The following TMOD2 variants were observed in gnomAD, a reference collection of about 807,000 sequenced individuals.
TMOD2 encodes tropomodulin 2, also known as tropomodulin-2.
TMOD2 carries 22 observed loss-of-function variants against 39.9 expected under a neutral mutation model. That is an observed-to-expected ratio of 0.55 (90% CI 0.39 to 0.79). TMOD2 has a LOEUF of 0.79. TMOD2 is among the 30% of genes least tolerant of loss of function. The pLI, the probability that TMOD2 is intolerant of heterozygous loss-of-function variation, is 0.00. For synonymous variants in TMOD2, 123 were observed against 146.1 expected (o/e 0.84, Z 1.14); for missense variants, 386 against 413.3 (o/e 0.93, Z 0.57).
intron 7 of TMOD2, among the ~76,000 whole-genome samples, chr15:51,791,421 C>T (rs1347162327): frequency 6.6e-6 from 1 of 152,170 alleles, no homozygotes; most frequent in Non-Finnish European, 1.5e-5. Context: ...ATGAAAATGG[C>T]CACACTGCCC....
intron 8 of TMOD2, 74 bp from the exon 9 acceptor site, chr15:51,806,303 T>C: frequency 6.4e-7 from 1 of 1,564,674 alleles, no homozygotes; most frequent in Non-Finnish European, 8.7e-7. Flanking sequence ...AGTAGCCTTG[T>C]CTTTTTCCTG....
rs138836321 is a variant in TMOD2, at chr15:51,756,894, A to G, written c.-70+5182A>G. 8.1e-3 allele frequency among the ~76,000 whole-genome samples: 1,231 copies of G among 152,342 alleles called. 20 individuals carry two copies. Among genetic ancestry groups the G allele is most frequent in the African/African-American group, 0.028 (1,156 of 41,580 alleles). The stretch of plus-strand genomic sequence containing the variant: ...AACAAACTTAATTGGCCCATCTTCA[A>G]ATAGCTACATTACAAAACAGGCGGT... On this transcript the variant is annotated intron_variant, in intron 1 of 9. Transcript: ENST00000249700.
intron 1 of TMOD2, among the ~76,000 whole-genome samples, chr15:51,760,667 A>G (rs1177479669): frequency 6.6e-6 from 1 of 152,010 alleles, no homozygotes; most frequent in Non-Finnish European, 1.5e-5. Flanking sequence ...TTAGCTGGGT[A>G]TGGTGGTGCA....
chr15:51,762,300 T>TA (rs375164029), intron 1 of TMOD2, among the ~76,000 whole-genome samples: 49 of 146,062 alleles, frequency 3.4e-4, no homozygotes, highest in South Asian at 1.5e-3. Context: ...CTTCAAAAAA[T>TA]AAAAAAAAAA....
Position 51,813,843 on chromosome 15 carries a change from T to C in TMOD2, c.*5389T>C, listed in dbSNP as rs770280028. The C allele has an allele frequency of 6.6e-6, 1 of 152,218 alleles. No homozygotes were observed. The highest frequency in any genetic ancestry group is 1.5e-5 in the Non-Finnish European group (1 of 68,042). 9.4% of individuals were successfully genotyped at this position (152,218 alleles called of 1,614,324 possible). On this transcript the variant is annotated 3_prime_UTR_variant, in exon 10 of 10. Transcript: ENST00000249700. ...TATAAACTGGAAAGCGCCGTACAAA[T>C]GTGAGAGATCAGTTTTATTATCAAA...
At chr15:51,775,098 C>T (rs961126754) in intron 4 of TMOD2, among the ~76,000 whole-genome samples, 8 of 152,170 alleles carry the variant, frequency 5.3e-5, no homozygotes, top group Non-Finnish European at 8.8e-5. Context: ...AAGGCAGCCC[C>T]ATGGGCAGAT....
intron 6 of TMOD2, among the ~76,000 whole-genome samples, chr15:51,782,437 T>TAA (rs1024764024): frequency 1.3e-5 from 2 of 151,910 alleles, no homozygotes; most frequent in Non-Finnish European, 2.9e-5. Flanking sequence ...GAGTGAAAAA[T>TAA]AAAAAGAGGG....
chr15:51,766,220 A>C (rs1595863921), intron 1 of TMOD2, among the ~76,000 whole-genome samples, 153 bp from the exon 2 acceptor site: 1 of 152,384 alleles, frequency 6.6e-6, no homozygotes, highest in African/African-American at 2.4e-5. Context: ...GTAAGCTGTC[A>C]GGTTGCTCTG....
chr15:51,756,132 C>G (rs1258154220), intron 1 of TMOD2, among the ~76,000 whole-genome samples: 2 of 152,160 alleles, frequency 1.3e-5, no homozygotes, highest in Non-Finnish European at 2.9e-5. Context: ...TAGGACCCGC[C>G]ATGAGAATTA....
intron 7 of TMOD2, among the ~76,000 whole-genome samples, chr15:51,790,848 C>T (rs868721012): frequency 2.6e-5 from 4 of 152,136 alleles, no homozygotes; most frequent in Non-Finnish European, 4.4e-5. Context: ...ATTGACGGAA[C>T]GTATCTCAAC....
chr15:51,799,185 T>C (rs1405009977), intron 8 of TMOD2, among the ~76,000 whole-genome samples: 1 of 152,066 alleles, frequency 6.6e-6, no homozygotes, highest in Non-Finnish European at 1.5e-5. Context: ...AGACACTATA[T>C]CTTGAAAAGA....
chr15:51,805,001 C>T (rs1270756162), intron 8 of TMOD2, among the ~76,000 whole-genome samples: 1 of 152,026 alleles, frequency 6.6e-6, no homozygotes, highest in Non-Finnish European at 1.5e-5. Flanking sequence ...CTCTGTCACC[C>T]AGGCTGGAGT....
intron 4 of TMOD2, among the ~76,000 whole-genome samples, chr15:51,775,607 T>C (rs2141622910): frequency 7.6e-6 from 1 of 131,920 alleles, no homozygotes; most frequent in South Asian, 2.6e-4. Flanking sequence ...AGACGGAGTC[T>C]CACTCTGTCA....
In TMOD2 at chr15:51,768,507, T is replaced by G. The variant is rs560671522; in HGVS notation, c.283+89T>G. 14 of 1,292,128 alleles carry G rather than the reference T, an allele frequency of 1.1e-5. No homozygotes were observed. In the African/African-American group the frequency reaches 2.1e-4, roughly 19 times the overall value. The allele number at this position is 1,292,128 out of a possible 1,614,324, so 80.0% of individuals were successfully genotyped here. A position where few individuals can be genotyped will look rare whatever the true frequency, so the allele number is the denominator to read the frequency against. ...GCACTCTTAATTAAGATTACCTCTT[T>G]TTATTTTATTGTCGTGGAGGATCAA... is the stretch of plus-strand genomic sequence containing the variant. On this transcript the variant is annotated intron_variant, in intron 3 of 9. Coordinates refer to ENST00000249700, the MANE Select transcript of TMOD2 (RefSeq NM_014548.4).
At chr15:51,764,648 G>A (rs2055804471) in intron 1 of TMOD2, among the ~76,000 whole-genome samples, 1 of 152,130 alleles carries the variant, frequency 6.6e-6, no homozygotes. Context: ...CTTCACAGAT[G>A]TCCCACCCTC....
rs545632965 is a variant in TMOD2 at position 51,806,272 on chromosome 15, T to C, written c.877-105T>C. 1.2e-4 allele frequency: 164 copies of C among 1,328,360 alleles called. 1 individual carries two copies. In the South Asian group the frequency reaches 2.2e-3, roughly 18 times the overall value. 82.3% of individuals were successfully genotyped at this position (1,328,360 alleles called of 1,614,324 possible). A position where few individuals can be genotyped will look rare whatever the true frequency, so the allele number is the denominator to read the frequency against. ...TCCCTTTCAGTTTGAGACCTTTGCCTCTTTGCCTTTTTGTCCAGCAAGTAG... is the reference window on the plus strand; with the variant it reads ...TCCCTTTCAGTTTGAGACCTTTGCCCCTTTGCCTTTTTGTCCAGCAAGTAG... On this transcript the variant is annotated intron_variant, in intron 8 of 9. Coordinates refer to ENST00000249700, the MANE Select transcript of TMOD2 (RefSeq NM_014548.4).
chr15:51,754,066 G>T (rs1305887259), intron 1 of TMOD2, among the ~76,000 whole-genome samples: 1 of 151,926 alleles, frequency 6.6e-6, no homozygotes, highest in African/African-American at 2.4e-5. Flanking sequence ...GGGACGGGGG[G>T]TTGGTGTTCC....
In TMOD2 at chr15:51,813,324, T is replaced by C. The variant is rs1298359909; in HGVS notation, c.*4870T>C. The C allele has an allele frequency of 1.3e-5, 2 of 152,272 alleles. No individual in the cohort carries two copies. The highest frequency in any genetic ancestry group is 2.9e-5 in the Non-Finnish European group (2 of 68,060). The allele number at this position is 152,272 out of a possible 1,614,324, so 9.4% of individuals were successfully genotyped here. On this transcript the variant is annotated 3_prime_UTR_variant, in exon 10 of 10. Transcript: ENST00000249700. ...TTAAATTTGTAACCTGACTCTGGGTTCTGTTCTAGGAATAGTGCATGTTTT... is the reference window on the plus strand; with the variant it reads ...TTAAATTTGTAACCTGACTCTGGGTCCTGTTCTAGGAATAGTGCATGTTTT...
Position 51,775,183 on chromosome 15 carries a change from C to G in TMOD2, c.406+1349C>G, listed in dbSNP as rs370004434. Among the ~76,000 whole-genome samples, 14 of 152,202 alleles carry G rather than the reference C, an allele frequency of 9.2e-5. No homozygotes were observed. The East Asian group carries it at 2.1e-3, about 23-fold the overall frequency. On this transcript the variant is annotated intron_variant, in intron 4 of 9. Transcript: ENST00000249700. The stretch of plus-strand genomic sequence containing the variant: ...CCATGTTATTGTGGCAGATAGAGAG[C>G]AGACAGAAAGTTCTTCAAGGGAGTG...
Sources: allele counts gnomAD v4.1 joint callset (sites outside exome capture counted in the v4.1 genomes callset), GRCh38; gene constraint gnomAD v4.1.1; transcripts MANE v1.5; gene names NCBI Gene and HGNC (gene_info 2026-07-23, HGNC 2026-07-21).